FARS2: variants seen among roughly 807,000 people sequenced by gnomAD.
The protein encoded by FARS2 is phenylalanine--tRNA ligase, mitochondrial.
FARS2 carries 40 observed loss-of-function variants against 46.4 expected under a neutral mutation model. The observed-to-expected ratio is 0.86, with a 90% confidence interval of 0.67 to 1.12. The LOEUF (loss-of-function observed/expected upper bound fraction) is 1.12, where lower values mean the gene tolerates loss of function less well. Ranked by LOEUF, FARS2 falls within the 50% of genes most tolerant of loss-of-function variation. The pLI is 0.00. For synonymous variants in FARS2, 234 were observed against 214.9 expected (o/e 1.09, Z -0.78); for missense variants, 513 against 567.9 (o/e 0.90, Z 0.98).
chr6:5,252,207 G>A, the FARS2 span, among the ~76,000 whole-genome samples: 8 of 152,162 alleles, frequency 5.3e-5, no homozygotes, highest in African/African-American at 1.9e-4. Flanking sequence ...AGATTTTGCA[G>A]GCTTATTCAC....
chr6:5,267,814 C>T (rs1313468852), intron 1 of FARS2, among the ~76,000 whole-genome samples: 1 of 151,986 alleles, frequency 6.6e-6, no homozygotes, highest in Non-Finnish European at 1.5e-5. Context: ...TTTACACTCC[C>T]ACCAACAGTG....
intron 6 of FARS2, among the ~76,000 whole-genome samples, chr6:5,618,453 G>C (rs186820427): frequency 1.6e-4 from 25 of 152,284 alleles, no homozygotes; most frequent in African/African-American, 5.5e-4. Context: ...TAACATCAAA[G>C]CATGCTTAAG....
At chr6:5,547,932 A>T (rs1364269801) in intron 5 of FARS2, among the ~76,000 whole-genome samples, 4 of 152,166 alleles carry the variant, frequency 2.6e-5, no homozygotes, top group Admixed American at 2.6e-4. Flanking sequence ...GTATTAGTCC[A>T]TTTTCATGCT....
At chr6:5,400,764 G>T (rs1332120762) in intron 2 of FARS2, among the ~76,000 whole-genome samples, 2 of 151,798 alleles carry the variant, frequency 1.3e-5, no homozygotes, top group East Asian at 3.9e-4. Flanking sequence ...ATGTATTAAA[G>T]TTTCCTATTA....
At chr6:5,684,990 T>G (rs1412028368) in intron 6 of FARS2, among the ~76,000 whole-genome samples, 1 of 152,140 alleles carries the variant, frequency 6.6e-6, no homozygotes, top group Non-Finnish European at 1.5e-5. Flanking sequence ...CTTTATAATT[T>G]CTCTTCTTGA....
intron 4 of FARS2, among the ~76,000 whole-genome samples, chr6:5,529,593 G>T (rs934032611): frequency 6.6e-6 from 1 of 152,126 alleles, no homozygotes; most frequent in South Asian, 2.1e-4. Context: ...GGTGTCAGCC[G>T]CTGTGCCCAG....
At chr6:5,513,789 A>T (rs1331181955) in intron 4 of FARS2, among the ~76,000 whole-genome samples, 1 of 152,126 alleles carries the variant, frequency 6.6e-6, no homozygotes, top group Non-Finnish European at 1.5e-5. Context: ...CTCAGAGTTT[A>T]TTGCTGTCTA....
intron 3 of FARS2, among the ~76,000 whole-genome samples, chr6:5,415,300 CTTTTCTTTTCT>C (rs1762163705): frequency 1.1e-5 from 1 of 90,672 alleles, no homozygotes; most frequent in East Asian, 3.1e-4. Flanking sequence ...TTTGTATTTT[CTTTTCTTTTCT>C]TTTTTTTTTT....
At chr6:5,735,439 G>A (rs762437875) in intron 6 of FARS2, among the ~76,000 whole-genome samples, 5 of 152,186 alleles carry the variant, frequency 3.3e-5, no homozygotes, top group Non-Finnish European at 7.3e-5. Context: ...TTTGGAGGAA[G>A]ACAGCTCCAG....
chr6:5,536,013 A>G (rs1770169041), intron 4 of FARS2, among the ~76,000 whole-genome samples: 1 of 151,754 alleles, frequency 6.6e-6, no homozygotes, highest in African/African-American at 2.4e-5. Context: ...AGCCCCTGTG[A>G]AACTATCTTT....
intron 1 of FARS2, among the ~76,000 whole-genome samples, chr6:5,333,164 A>G (rs182696093): frequency 1.2e-4 from 19 of 152,288 alleles, no homozygotes; most frequent in Admixed American, 1.0e-3. Context: ...AAACTAAAAG[A>G]TTTTGGGAAC....
intron 6 of FARS2, among the ~76,000 whole-genome samples, chr6:5,650,753 A>G (rs1777317603): frequency 6.6e-6 from 1 of 152,170 alleles, no homozygotes; most frequent in Non-Finnish European, 1.5e-5. Flanking sequence ...CTGGGATTAC[A>G]GGCATGAGCC....
At chr6:5,768,854 C>A (rs1005031530) in intron 6 of FARS2, among the ~76,000 whole-genome samples, 5 of 152,204 alleles carry the variant, frequency 3.3e-5, no homozygotes, top group African/African-American at 1.2e-4. Flanking sequence ...TGTAAGAGTT[C>A]TTTGTATATT....
intron 4 of FARS2, among the ~76,000 whole-genome samples, chr6:5,479,385 A>C (rs1343768800): frequency 6.6e-6 from 1 of 152,204 alleles, no homozygotes; most frequent in Non-Finnish European, 1.5e-5. Context: ...AGTGCATTTT[A>C]GGAGGCTGAA....
chr6:5,710,155 C>T (rs1223224214), intron 6 of FARS2, among the ~76,000 whole-genome samples: 1 of 152,174 alleles, frequency 6.6e-6, no homozygotes, highest in African/African-American at 2.4e-5. Context: ...TTCAGAGCCT[C>T]TCAGTCTAAT....
At chr6:5,719,900 G>C (rs192822669) in intron 6 of FARS2, among the ~76,000 whole-genome samples, 14 of 152,290 alleles carry the variant, frequency 9.2e-5, no homozygotes, top group Admixed American at 8.5e-4. Flanking sequence ...CTTCCGTTTA[G>C]TGTGACACAA....
At chr6:5,469,393 C>T (rs1388639289) in intron 4 of FARS2, among the ~76,000 whole-genome samples, 4 of 152,234 alleles carry the variant, frequency 2.6e-5, no homozygotes, top group Admixed American at 6.5e-5. Context: ...TGTCCTTCAG[C>T]GGGTGACAGT....
intron 4 of FARS2, chr6:5,466,988 T>C: frequency 1.0e-6 from 1 of 985,370 alleles, no homozygotes; most frequent in Non-Finnish European, 1.2e-6. Flanking sequence ...CTTCAGTTCG[T>C]GCAACAGATG....
At chr6:5,389,826 T>C (rs762849512) in intron 2 of FARS2, among the ~76,000 whole-genome samples, 6 of 150,994 alleles carry the variant, frequency 4.0e-5, no homozygotes, top group Non-Finnish European at 8.8e-5. Context: ...TACTACAGTT[T>C]TTTTGTTTTT....
Sources: allele counts gnomAD v4.1 joint callset (sites outside exome capture counted in the v4.1 genomes callset), GRCh38; gene constraint gnomAD v4.1.1; transcripts MANE v1.5; gene names NCBI Gene and HGNC (gene_info 2026-07-23, HGNC 2026-07-21).